The following RSF1 variants were observed in gnomAD, a reference collection of about 807,000 sequenced individuals.
The protein encoded by RSF1 is remodeling and spacing factor 1, also known as HBV pX-associated protein 8.
In RSF1, 13 loss-of-function variants were observed where a neutral mutation model predicts 145.2. That is an observed-to-expected ratio of 0.09 (90% confidence interval 0.06 to 0.14). The LOEUF (loss-of-function observed/expected upper bound fraction) is 0.14. Ranked by LOEUF, RSF1 falls within the 10% of genes least tolerant of loss-of-function variation. RSF1 has a pLI of 1.00. For missense variants in RSF1, 1,517 were observed against 1,718.2 expected (o/e 0.88, Z 2.07); for synonymous variants, 577 against 592.6 (o/e 0.97, Z 0.38).
chr11:77,722,773 G>T (rs961402189), intron 5 of RSF1, among the ~76,000 whole-genome samples: 10 of 152,166 alleles, frequency 6.6e-5, no homozygotes, highest in African/African-American at 2.4e-4. Flanking sequence ...CCCAATAAAT[G>T]TTAGCTGTTG....
At chr11:77,703,167 T>C (rs186225068) in intron 5 of RSF1, 2 of 152,342 alleles carry the variant, frequency 1.3e-5, no homozygotes, top group East Asian at 3.9e-4. Context: ...GTGATCATAT[T>C]ACAACTTACT....
the RSF1 span, chr11:77,870,198 TA>T: frequency 5.2e-4 from 78 of 150,050 alleles, no homozygotes; most frequent in Middle Eastern, 3.5e-3. Flanking sequence ...TTTTTTTTTT[TA>T]AATATAGATG....
chr11:77,845,485 C>A, the RSF1 span, among the ~76,000 whole-genome samples: 1 of 151,894 alleles, frequency 6.6e-6, no homozygotes, highest in African/African-American at 2.4e-5. Context: ...AGCTGGAGTG[C>A]CGTGGCACAA....
At chr11:77,793,966 T>G (rs751910880) in intron 1 of RSF1, among the ~76,000 whole-genome samples, 3 of 152,108 alleles carry the variant, frequency 2.0e-5, no homozygotes, top group Non-Finnish European at 2.9e-5. Flanking sequence ...GATAAAGGGA[T>G]GAATCCAGCA....
the RSF1 span, among the ~76,000 whole-genome samples, chr11:77,856,403 A>G: frequency 6.6e-6 from 1 of 152,070 alleles, no homozygotes; most frequent in Non-Finnish European, 1.5e-5. Context: ...AGCCCTTCAA[A>G]CTATTCCACC....
chr11:77,775,542 T>C (rs943676648), intron 1 of RSF1, among the ~76,000 whole-genome samples: 1 of 152,216 alleles, frequency 6.6e-6, no homozygotes, highest in Non-Finnish European at 1.5e-5. Flanking sequence ...CAAGTCCATA[T>C]GTTTAATTAA....
chr11:77,774,610 AAAT>A lies in RSF1; in HGVS notation c.188-9924_188-9922del, dbSNP rs1183468956. 3.0e-5 allele frequency among the ~76,000 whole-genome samples: 4 copies of A among 133,832 alleles called. No individual in the cohort carries two copies. In the Admixed American group the frequency reaches 3.2e-4, roughly 11 times the overall value. 87.8% of individuals were successfully genotyped at this position (133,832 alleles called of 152,430 possible). Reference sequence around the variant, plus strand: ...TAAATAAATAAATAAATAAATAAATAAATAAATAAAATAAAGAAAAGAGAGTTC... The same window carrying A: ...TAAATAAATAAATAAATAAATAAATAAAATAAAATAAAGAAAAGAGAGTTC... On this transcript the variant is annotated intron_variant, in intron 1 of 15. Transcript: ENST00000308488.
intron 4 of RSF1, among the ~76,000 whole-genome samples, chr11:77,726,757 G>T (rs1048529110): frequency 6.6e-6 from 1 of 152,068 alleles, no homozygotes; most frequent in African/African-American, 2.4e-5. Flanking sequence ...AAGATGAAAT[G>T]ACTCGTTTTC....
At chr11:77,826,349 G>A in the RSF1 span, among the ~76,000 whole-genome samples, 3 of 149,840 alleles carry the variant, frequency 2.0e-5, no homozygotes, top group African/African-American at 7.4e-5. Context: ...GTGACAGAGT[G>A]AGACATCATC....
At chr11:77,736,753 C>T (rs562045319) in intron 4 of RSF1, among the ~76,000 whole-genome samples, 3 of 152,118 alleles carry the variant, frequency 2.0e-5, no homozygotes, top group Non-Finnish European at 2.9e-5. Flanking sequence ...CCAGAAAATA[C>T]GCATATAATA....
At chr11:77,736,292 A>C (rs903640628) in intron 4 of RSF1, among the ~76,000 whole-genome samples, 81 of 152,320 alleles carry the variant, frequency 5.3e-4, no homozygotes, top group African/African-American at 1.9e-3. Context: ...CAATCCTTTA[A>C]ATGTTTGAAG....
At chr11:77,820,808 G>A (rs1311217833), upstream of RSF1, 9 of 1,280,472 alleles carry the variant, frequency 7.0e-6, no homozygotes, top group African/African-American at 6.0e-5. Flanking sequence ...GACAGGAGGC[G>A]CTCTCAAGTG....
chr11:77,693,652 A>C, intron 7 of RSF1, 41 bp from the exon 8 acceptor site: 1 of 1,383,992 alleles, frequency 7.2e-7, no homozygotes, highest in Non-Finnish European at 1.0e-6. Flanking sequence ...TATGACTAAA[A>C]TTCAATGACT....
Position 77,672,161 on chromosome 11 carries a change from T to C in RSF1, c.3632A>G (p.Gln1211Arg), listed in dbSNP as rs371174213. The change falls in exon 15 of 16, where the codon CAG becomes CGG. Residue 1211 changes from glutamine (Q) to arginine (R), a missense_variant. Around this residue, in one of 12 missense-constraint regions of RSF1, gnomAD observed 9 missense variants for 23.0 expected, o/e 0.39. Transcript: ENST00000308488. ...ETRRRRSRRNQKRQINYKEDS... is the reference protein window; with the variant it reads ...ETRRRRSRRNRKRQINYKEDS... Reference sequence around the variant, plus strand: ...TTCTTTGTAGTTAATTTGTCTTTTCTGATTTCTCCTTGACCGCCTTCGCCG... The same window carrying C: ...TTCTTTGTAGTTAATTTGTCTTTTCCGATTTCTCCTTGACCGCCTTCGCCG... The C allele has an allele frequency of 1.1e-5, 17 of 1,613,826 alleles. No individual in the cohort carries two copies. The highest frequency in any genetic ancestry group is 1.3e-5 in the African/African-American group (1 of 74,926).
the RSF1 span, among the ~76,000 whole-genome samples, chr11:77,848,408 G>A: frequency 2.0e-5 from 3 of 152,096 alleles, no homozygotes; most frequent in African/African-American, 7.2e-5. Flanking sequence ...ACCCAGGCTG[G>A]AGTGCAGGGC....
intron 4 of RSF1, among the ~76,000 whole-genome samples, chr11:77,728,748 GGTT>G (rs1197490139): frequency 1.3e-5 from 2 of 152,052 alleles, no homozygotes; most frequent in African/African-American, 4.8e-5. Flanking sequence ...AAAGATTGGT[GGTT>G]GTTAAGGGCT....
chr11:77,676,534 G>C (rs1057359193), intron 13 of RSF1, among the ~76,000 whole-genome samples: 1 of 152,156 alleles, frequency 6.6e-6, no homozygotes, highest in African/African-American at 2.4e-5. Flanking sequence ...CTCAACAAAT[G>C]AAAGTTTAAT....
chr11:77,747,124 C>A lies in RSF1; in HGVS notation c.284G>T (p.Cys95Phe), dbSNP rs1285887577. The change falls in exon 3 of 16, where the codon TGC becomes TTC. Residue 95 changes from cysteine to phenylalanine, a missense_variant. Transcript: ENST00000308488. ...DRWEKYLIKI[C>F]QEFNSTWAWE... ...TGCCCAGGTACTGTTAAACTCTTGG[C>A]ATATCTGTCAGATAAAGTTAATATC... The A allele has an allele frequency of 6.2e-7, 1 of 1,601,484 alleles. No individual in the cohort carries two copies. Among genetic ancestry groups the A allele is most frequent in the Non-Finnish European group, 8.5e-7 (1 of 1,170,042 alleles).
chr11:77,703,440 G>A (rs1179006236), intron 5 of RSF1: 1 of 152,012 alleles, frequency 6.6e-6, no homozygotes, highest in East Asian at 1.9e-4. Flanking sequence ...CCTTATCCTT[G>A]CTACTGAAAA....
Sources: gnomAD v4.1 joint callset for allele counts (sites outside exome capture counted in the v4.1 genomes callset) on GRCh38, gnomAD v4.1.1 for gene constraint, gnomAD v4.1.1 regional missense constraint, MANE v1.5 for transcripts, NCBI Gene and HGNC (gene_info 2026-07-23, HGNC 2026-07-21) for gene names.